The following EHBP1 variants were observed in gnomAD, a reference collection of about 807,000 sequenced individuals.
The protein encoded by EHBP1 is EH domain binding protein 1.
Under a neutral mutation model 144.0 loss-of-function variants are expected in EHBP1, and 55 were observed. The observed-to-expected ratio is 0.38, with a 90% confidence interval of 0.31 to 0.48. The LOEUF (loss-of-function observed/expected upper bound fraction) is 0.48. Ranked by LOEUF, EHBP1 falls within the 20% of genes least tolerant of loss-of-function variation. EHBP1 has a pLI of 0.98. For missense variants in EHBP1, 1,200 were observed against 1,364.2 expected (o/e 0.88, Z 1.90); for synonymous variants, 469 against 472.7 (o/e 0.99, Z 0.10).
At chr2:63,007,338 AC>A (rs2060083908) in intron 19 of EHBP1, among the ~76,000 whole-genome samples, 1 of 151,838 alleles carries the variant, frequency 6.6e-6, no homozygotes, top group African/African-American at 2.4e-5. Context: ...GGGAAACAGA[AC>A]TTTTATAAAA....
chr2:62,936,789 A>G (rs2056415181), intron 10 of EHBP1, among the ~76,000 whole-genome samples: 1 of 151,556 alleles, frequency 6.6e-6, no homozygotes, highest in Admixed American at 6.6e-5. Flanking sequence ...AAACACTTTG[A>G]AAAAAAAATA....
chr2:62,757,969 G>A lies in EHBP1; in HGVS notation c.163-6297G>A, dbSNP rs114868135. ...GGAGCTTGCAGTGAGCCCAGATAGC[G>A]CCACTGCGCTCTGGCCTGGGCGAAA... On this transcript the variant is annotated intron_variant, in intron 3 of 22. Coordinates refer to ENST00000431489, the MANE Select transcript of EHBP1 (RefSeq NM_001142616.3). Among the ~76,000 whole-genome samples the A allele has an allele frequency of 2.3e-3, 342 of 149,930 alleles. 2 individuals carry two copies. The highest frequency in any genetic ancestry group is 6.8e-3 in the Middle Eastern group (2 of 292).
intron 18 of EHBP1, 126 bp from the exon 19 acceptor site, chr2:62,996,517 G>C (rs2153225306): frequency 8.7e-7 from 1 of 1,144,574 alleles, no homozygotes; most frequent in South Asian, 1.6e-5. Flanking sequence ...GTTGCTTTTT[G>C]GTACTAAGGG....
At chr2:62,759,374 T>C (rs1320213914) in intron 3 of EHBP1, among the ~76,000 whole-genome samples, 2 of 152,190 alleles carry the variant, frequency 1.3e-5, no homozygotes, top group Non-Finnish European at 2.9e-5. Flanking sequence ...ATCAGGGCTC[T>C]CATAGTGCTG....
chr2:62,793,617 A>G (rs903227677), intron 5 of EHBP1, among the ~76,000 whole-genome samples: 1 of 152,112 alleles, frequency 6.6e-6, no homozygotes, highest in African/African-American at 2.4e-5. Flanking sequence ...ACCACCTGGG[A>G]TTGCTCAATT....
At chr2:62,768,944 G>C (rs967666557) in intron 4 of EHBP1, among the ~76,000 whole-genome samples, 1 of 152,106 alleles carries the variant, frequency 6.6e-6, no homozygotes. Context: ...TGCAGAAAAG[G>C]CTTTTGATAA....
chr2:62,776,400 T>C (rs972525539), intron 5 of EHBP1, among the ~76,000 whole-genome samples: 3 of 152,216 alleles, frequency 2.0e-5, no homozygotes, highest in African/African-American at 7.2e-5. Flanking sequence ...TTATTGAAGA[T>C]TGGAAATAAT....
chr2:62,898,987 T>A (rs1183764708), intron 10 of EHBP1, among the ~76,000 whole-genome samples: 1 of 152,196 alleles, frequency 6.6e-6, no homozygotes. Flanking sequence ...AACATGAGAT[T>A]GGTCTTGCCT....
intron 10 of EHBP1, among the ~76,000 whole-genome samples, chr2:62,929,376 A>G (rs2055796990): frequency 6.6e-6 from 1 of 152,212 alleles, no homozygotes; most frequent in Non-Finnish European, 1.5e-5. Flanking sequence ...AGAATTACAT[A>G]CCACAACCAA....
intron 8 of EHBP1, among the ~76,000 whole-genome samples, chr2:62,863,469 TG>T (rs1435406239): frequency 6.6e-5 from 10 of 152,198 alleles, no homozygotes; most frequent in African/African-American, 2.4e-4. Flanking sequence ...AAAGCACCAT[TG>T]TTTTCAAATT....
At chr2:62,737,956 G>A (rs1240764349) in intron 2 of EHBP1, among the ~76,000 whole-genome samples, 5 of 152,012 alleles carry the variant, frequency 3.3e-5, no homozygotes, top group African/African-American at 7.3e-5. Flanking sequence ...GTAGAGACAA[G>A]GTCTCACTAT....
chr2:62,988,282 C>T (rs2059279888), intron 15 of EHBP1, among the ~76,000 whole-genome samples: 2 of 152,006 alleles, frequency 1.3e-5, no homozygotes, highest in African/African-American at 4.8e-5. Flanking sequence ...CTAAGATTCA[C>T]TATTGTATTT....
At chr2:62,843,149 A>C (rs559264375) in intron 7 of EHBP1, among the ~76,000 whole-genome samples, 1 of 152,182 alleles carries the variant, frequency 6.6e-6, no homozygotes, top group African/African-American at 2.4e-5. Context: ...ATATTTTATG[A>C]AATTCCCTGA....
At chr2:62,756,061 T>G (rs2040249597) in intron 3 of EHBP1, among the ~76,000 whole-genome samples, 1 of 148,450 alleles carries the variant, frequency 6.7e-6, no homozygotes, top group Non-Finnish European at 1.5e-5. Context: ...ATTACTGGAG[T>G]CCAAGAGTTT....
chr2:62,866,925 G>A (rs975430390), intron 9 of EHBP1, among the ~76,000 whole-genome samples: 2 of 152,068 alleles, frequency 1.3e-5, no homozygotes, highest in Non-Finnish European at 2.9e-5. Context: ...AGCAAAGCTT[G>A]TTAACAAAAA....
At chr2:62,975,558 A>T (rs188413962) in intron 14 of EHBP1, among the ~76,000 whole-genome samples, 248 of 151,880 alleles carry the variant, frequency 1.6e-3, no homozygotes, top group African/African-American at 5.8e-3. Context: ...TTGCAAAGTG[A>T]TTTTTTTTAT....
chr2:62,843,691 A>G (rs1380271006), intron 7 of EHBP1, among the ~76,000 whole-genome samples: 1 of 152,196 alleles, frequency 6.6e-6, no homozygotes, highest in East Asian at 1.9e-4. Context: ...TTTCAGGGAT[A>G]TATTTTTTTA....
chr2:62,869,157 G>A (rs971735303), intron 9 of EHBP1, among the ~76,000 whole-genome samples: 3 of 152,012 alleles, frequency 2.0e-5, no homozygotes, highest in African/African-American at 7.2e-5. Context: ...ACCAAGTATT[G>A]TCAAGGATGT....
At position 62,819,825 on chromosome 2, in the gene EHBP1, G is replaced by A. The variant is rs543731844; in HGVS notation, c.313-6262G>A. On this transcript the variant is annotated intron_variant, in intron 5 of 22. Coordinates refer to ENST00000431489, the MANE Select transcript of EHBP1 (RefSeq NM_001142616.3). The stretch of plus-strand genomic sequence containing the variant: ...ATGTCCATCAACAATAAAATGGATA[G>A]ATAAATCGTAGAAATTCATGTAATT... Among the ~76,000 whole-genome samples the A allele has an allele frequency of 2.0e-5, 3 of 151,288 alleles. No homozygotes were observed. In the South Asian group the frequency reaches 6.3e-4, roughly 32 times the overall value.
Sources: allele counts gnomAD v4.1 joint callset (sites outside exome capture counted in the v4.1 genomes callset), GRCh38; gene constraint gnomAD v4.1.1; transcripts MANE v1.5; gene names NCBI Gene and HGNC (gene_info 2026-07-23, HGNC 2026-07-21).